The following KCNMA1 variants were observed in gnomAD, a reference collection of about 807,000 sequenced individuals.
KCNMA1 encodes the protein Calcium-activated potassium channel subunit alpha-1.
Under a neutral mutation model 140.0 loss-of-function variants are expected in KCNMA1, and 29 were observed. The observed-to-expected ratio is 0.21, with a 90% CI of 0.15 to 0.28. The LOEUF (loss-of-function observed/expected upper bound fraction) is 0.28. KCNMA1 is among the 10% of genes least tolerant of loss of function. KCNMA1 has a pLI of 1.00. For synonymous variants in KCNMA1, 612 were observed against 611.9 expected (o/e 1.00, Z 0.00); for missense variants, 880 against 1,602.2 (o/e 0.55, Z 7.70).
chr10:77,196,889 A>G (rs988725234), intron 3 of KCNMA1, among the ~76,000 whole-genome samples: 22 of 152,242 alleles, frequency 1.4e-4, no homozygotes, highest in Admixed American at 1.2e-3. Context: ...TGACAAAAAA[A>G]GAAATGCAGT....
intron 3 of KCNMA1, among the ~76,000 whole-genome samples, chr10:77,216,234 C>T (rs1205450833): frequency 6.6e-6 from 1 of 151,920 alleles, no homozygotes; most frequent in Non-Finnish European, 1.5e-5. Flanking sequence ...GGGTTTCTTT[C>T]GGGGGTGTTG....
At position 77,021,927 on chromosome 10, in the gene KCNMA1, T is replaced by G. The variant is rs1030604037; in HGVS notation, c.1929-2828A>C. On this transcript the variant is annotated intron_variant, in intron 16 of 27. Coordinates refer to ENST00000286628, the MANE Select transcript of KCNMA1 (RefSeq NM_001161352.2). ...CACCAGAAACTACATTACTGGTTTT[T>G]GTTTTTGTTTTTAATATTTTCGACA... Among the ~76,000 whole-genome samples, 8 of 152,248 alleles carry G rather than the reference T, an allele frequency of 5.3e-5. No homozygotes were observed. In the East Asian group the frequency reaches 1.2e-3, roughly 22 times the overall value.
In KCNMA1 at chr10:77,033,431, TTC is replaced by T. The variant is rs138802542; in HGVS notation, c.1860-5542_1860-5541del. Among the ~76,000 whole-genome samples, 930 of 151,500 alleles carry T rather than the reference TTC, an allele frequency of 6.1e-3. 11 individuals carry two copies. Among genetic ancestry groups the T allele is most frequent in the African/African-American group, 0.021 (873 of 41,336 alleles). On this transcript the variant is annotated intron_variant, in intron 15 of 27. Coordinates refer to ENST00000286628, the MANE Select transcript of KCNMA1 (RefSeq NM_001161352.2). ...TCTCTCCCACTCTCTTATTCTCTCC[TTC>T]TCTCTCTCTCTTTCACACACACACA... is the stretch of plus-strand genomic sequence containing the variant.
intron 14 of KCNMA1, among the ~76,000 whole-genome samples, chr10:77,071,933 C>T (rs916402792): frequency 9.2e-5 from 14 of 152,156 alleles, no homozygotes; most frequent in Non-Finnish European, 1.5e-4. Context: ...CCAAGGTGAG[C>T]ACCAATGCAT....
chr10:77,082,327 C>T (rs1452619716), intron 12 of KCNMA1, among the ~76,000 whole-genome samples: 1 of 152,046 alleles, frequency 6.6e-6, no homozygotes, highest in Admixed American at 6.6e-5. Context: ...GAGCCCCGCC[C>T]TTGACCAGTA....
At chr10:77,305,704 G>A (rs584021) in intron 2 of KCNMA1, among the ~76,000 whole-genome samples, 127,274 of 152,150 alleles carry the variant, frequency 0.84, 53,391 homozygotes, top group Middle Eastern at 0.9. Context: ...CTAAGCCCCA[G>A]CTGCTCCATA....
chr10:76,905,221 C>G (rs958508542), intron 25 of KCNMA1: 2 of 152,122 alleles, frequency 1.3e-5, no homozygotes, highest in South Asian at 2.1e-4. Context: ...AGATATCAAG[C>G]CAAGTACTAT....
At chr10:77,183,215 C>T (rs1290987446) in intron 5 of KCNMA1, among the ~76,000 whole-genome samples, 2 of 152,180 alleles carry the variant, frequency 1.3e-5, no homozygotes, top group Non-Finnish European at 2.9e-5. Context: ...AACTGCACTG[C>T]CTGAAGCGCA....
intron 1 of KCNMA1, among the ~76,000 whole-genome samples, chr10:77,602,529 T>C (rs949249432): frequency 1.3e-5 from 2 of 152,290 alleles, no homozygotes; most frequent in African/African-American, 4.8e-5. Context: ...CCACTGCAAA[T>C]GAGTAAATTT....
Position 77,110,347 on chromosome 10 carries a change from A to G in KCNMA1, c.961-4T>C. On this transcript the variant is annotated splice_region_variant and splice_polypyrimidine_tract_variant and intron_variant, in intron 7 of 27. Coordinates refer to ENST00000286628, the MANE Select transcript of KCNMA1 (RefSeq NM_001161352.2). ...ATGGGTCCCCTGAATTCTCCACCTA[A>G]AGCAAATGGGACAGGGGAGAAAAAA... 6.2e-7 allele frequency: 1 copy of G among 1,612,558 alleles called. No homozygotes were observed. Among genetic ancestry groups the G allele is most frequent in the Non-Finnish European group, 8.5e-7 (1 of 1,178,584 alleles).
intron 9 of KCNMA1, among the ~76,000 whole-genome samples, chr10:77,094,961 A>G (rs2096895664): frequency 6.6e-6 from 1 of 152,118 alleles, no homozygotes; most frequent in African/African-American, 2.4e-5. Context: ...TTGGCCCCCA[A>G]AGTGCTGAGA....
chr10:76,989,305 G>A (rs2082112193), intron 19 of KCNMA1, among the ~76,000 whole-genome samples: 1 of 152,176 alleles, frequency 6.6e-6, no homozygotes, highest in African/African-American at 2.4e-5. Flanking sequence ...TGCCCTAGAA[G>A]CTGCGAACTC....
chr10:76,935,492 C>T (rs765137078), intron 23 of KCNMA1, among the ~76,000 whole-genome samples: 1 of 152,156 alleles, frequency 6.6e-6, no homozygotes, highest in Non-Finnish European at 1.5e-5. Context: ...GGGAAAGGTA[C>T]CTAATTCCCC....
At chr10:77,255,581 C>T (rs769620971) in intron 2 of KCNMA1, among the ~76,000 whole-genome samples, 15 of 151,264 alleles carry the variant, frequency 9.9e-5, no homozygotes, top group Admixed American at 3.3e-4. Flanking sequence ...GCCTGGACAA[C>T]GAAGTGAGAC....
intron 1 of KCNMA1, among the ~76,000 whole-genome samples, chr10:77,509,978 A>C (rs755032669): frequency 3.3e-5 from 5 of 151,992 alleles, no homozygotes; most frequent in Non-Finnish European, 5.9e-5. Context: ...ATCATAACCC[A>C]ATTAGCACAA....
chr10:76,904,046 C>CA (rs763756968), intron 25 of KCNMA1: 1 of 151,996 alleles, frequency 6.6e-6, no homozygotes, highest in African/African-American at 2.4e-5. Context: ...GCATATATAC[C>CA]AAAAAAATCT....
chr10:77,476,889 A>G (rs1354479244), intron 1 of KCNMA1, among the ~76,000 whole-genome samples: 1 of 152,230 alleles, frequency 6.6e-6, no homozygotes. Flanking sequence ...TGTTAGTCAC[A>G]GCACTTGAGA....
At chr10:77,490,226 T>C (rs768951278) in intron 1 of KCNMA1, among the ~76,000 whole-genome samples, 1 of 152,210 alleles carries the variant, frequency 6.6e-6, no homozygotes, top group Non-Finnish European at 1.5e-5. Flanking sequence ...TACACATGAA[T>C]TTGTGGCAAA....
intron 2 of KCNMA1, among the ~76,000 whole-genome samples, chr10:77,285,084 G>A (rs1340806343): frequency 6.6e-6 from 1 of 152,112 alleles, no homozygotes; most frequent in South Asian, 2.1e-4. Flanking sequence ...GTTCTTTGGA[G>A]GTTTAATAAA....
Sources: gnomAD v4.1 joint callset for allele counts (sites outside exome capture counted in the v4.1 genomes callset) on GRCh38, gnomAD v4.1.1 for gene constraint, MANE v1.5 for transcripts, NCBI Gene and HGNC (gene_info 2026-07-23, HGNC 2026-07-21) for gene names.